PPP1R12A: variants seen among roughly 807,000 people sequenced by gnomAD.
The protein encoded by PPP1R12A is protein phosphatase 1 regulatory subunit 12A.
In PPP1R12A, 19 loss-of-function variants were observed where a neutral mutation model predicts 139.6. The observed-to-expected ratio is 0.14, with a 90% confidence interval of 0.09 to 0.20. The LOEUF is 0.20. Ranked by LOEUF, PPP1R12A falls within the 10% of genes least tolerant of loss-of-function variation. The pLI is 1.00. For missense variants in PPP1R12A, 925 were observed against 1,211.5 expected, an observed-to-expected ratio of 0.76 and a Z score of 3.51; for synonymous variants, 427 against 420.6, an observed-to-expected ratio of 1.02 and a Z score of -0.19.
At position 79,806,983 on chromosome 12, in the gene PPP1R12A, A is replaced by G. The variant is rs141887275; in HGVS notation, c.1655+243T>C. On this transcript the variant is annotated intron_variant, in intron 12 of 24. Transcript: ENST00000450142. ...GTTCCTTCTAAAGGAGTTCCTTTTAAATATGTAACAATCCAAAAAACATTT... is the reference window on the plus strand; with the variant it reads ...GTTCCTTCTAAAGGAGTTCCTTTTAGATATGTAACAATCCAAAAAACATTT... The G allele has an allele frequency of 4.4e-3, 1,239 of 283,580 alleles. 6 individuals carry two copies. Among genetic ancestry groups the G allele is most frequent in the Non-Finnish European group, 7.1e-3 (1,081 of 153,192 alleles). 17.6% of individuals were successfully genotyped at this position (283,580 alleles called of 1,614,324 possible). A position where few individuals can be genotyped will look rare whatever the true frequency, so the allele number is the denominator to read the frequency against.
intron 1 of PPP1R12A, among the ~76,000 whole-genome samples, chr12:79,910,009 A>G (rs917054050): frequency 2.6e-5 from 4 of 151,880 alleles, no homozygotes; most frequent in African/African-American, 9.7e-5. Flanking sequence ...CTGTCATATT[A>G]TTTTTATAAT....
At chr12:79,886,256 C>T (rs1028868087) in intron 1 of PPP1R12A, among the ~76,000 whole-genome samples, 2 of 152,048 alleles carry the variant, frequency 1.3e-5, no homozygotes, top group African/African-American at 2.4e-5. Context: ...AAGCAGTACT[C>T]CTATACTAAA....
intron 1 of PPP1R12A, among the ~76,000 whole-genome samples, chr12:79,885,941 T>C (rs1269576589): frequency 6.6e-6 from 1 of 152,138 alleles, no homozygotes; most frequent in East Asian, 1.9e-4. Flanking sequence ...AGCAATCCTC[T>C]TGCTTTGGCC....
chr12:79,777,536 C>T (rs1869884627), intron 24 of PPP1R12A: 1 of 985,176 alleles, frequency 1.0e-6, no homozygotes, highest in African/African-American at 1.7e-5. Context: ...TCACAGACTG[C>T]AGTTGCCTAT....
intron 1 of PPP1R12A, among the ~76,000 whole-genome samples, chr12:79,928,845 T>C (rs1217185015): frequency 2.0e-5 from 3 of 152,236 alleles, no homozygotes. Context: ...ATGCTTAAAA[T>C]GGCTCCCTTA....
At chr12:79,854,983 T>TATC (rs1033327491) in intron 2 of PPP1R12A, among the ~76,000 whole-genome samples, 1 of 151,270 alleles carries the variant, frequency 6.6e-6, no homozygotes, top group Non-Finnish European at 1.5e-5. Flanking sequence ...AAGTAACAAT[T>TATC]ATTATTATTA....
intron 1 of PPP1R12A, among the ~76,000 whole-genome samples, chr12:79,890,901 C>CACA (rs1565800207): frequency 1.7e-3 from 53 of 30,964 alleles, no homozygotes; most frequent in Admixed American, 3.7e-3. Context: ...CCACCCACAC[C>CACA]CACCCACACA....
chr12:79,895,853 A>G (rs1885080475), intron 1 of PPP1R12A, among the ~76,000 whole-genome samples: 1 of 152,226 alleles, frequency 6.6e-6, no homozygotes, highest in African/African-American at 2.4e-5. Context: ...ATATGATTTT[A>G]ACAGACTCAA....
At chr12:79,880,338 C>A (rs1399334426) in intron 1 of PPP1R12A, among the ~76,000 whole-genome samples, 1 of 152,068 alleles carries the variant, frequency 6.6e-6, no homozygotes, top group Non-Finnish European at 1.5e-5. Flanking sequence ...AATCAACTGG[C>A]AAGAACCTCA....
chr12:79,862,448 A>G lies in PPP1R12A; in HGVS notation c.368+10360T>C, dbSNP rs1485611713. On this transcript the variant is annotated intron_variant, in intron 2 of 24. Transcript: ENST00000450142. ...ACAACTCCTCACCAGCAAGGGAACA[A>G]AACTGGGCAGAGAATGAGTTCGACA... is the stretch of plus-strand genomic sequence containing the variant. Among the ~76,000 whole-genome samples, 9 of 152,136 alleles carry G rather than the reference A, an allele frequency of 5.9e-5. No individual in the cohort carries two copies. In the East Asian group the frequency reaches 1.7e-3, roughly 29 times the overall value.
intron 2 of PPP1R12A, among the ~76,000 whole-genome samples, chr12:79,855,551 T>C (rs1318131751): frequency 6.6e-6 from 1 of 152,138 alleles, no homozygotes; most frequent in Admixed American, 6.5e-5. Flanking sequence ...AATCACCAAA[T>C]TGCTTTCCAC....
At chr12:79,782,529 T>C (rs900402152) in intron 22 of PPP1R12A, 4 of 452,544 alleles carry the variant, frequency 8.8e-6, no homozygotes, top group African/African-American at 8.0e-5. Flanking sequence ...ATATATAAGC[T>C]TGGCTTTAAG....
chr12:79,926,743 AG>A (rs1294149357), intron 1 of PPP1R12A, among the ~76,000 whole-genome samples: 1 of 23,878 alleles, frequency 4.2e-5, no homozygotes, highest in South Asian at 6.0e-4. Flanking sequence ...GGAGATTTAA[AG>A]AAAAAAAGAA....
intron 3 of PPP1R12A, among the ~76,000 whole-genome samples, chr12:79,844,054 T>A (rs1206786557): frequency 6.6e-6 from 1 of 152,116 alleles, no homozygotes; most frequent in Admixed American, 6.6e-5. Context: ...ACAGCTTTAT[T>A]AAGATCTAAT....
chr12:79,853,718 T>A (rs1198608197), intron 2 of PPP1R12A, among the ~76,000 whole-genome samples: 1 of 152,236 alleles, frequency 6.6e-6, no homozygotes, highest in African/African-American at 2.4e-5. Context: ...TATTAACTCT[T>A]GAAAACCATG....
In PPP1R12A at chr12:79,903,174, G is replaced by A. The variant is rs114632038; in HGVS notation, c.238-30236C>T. Among the ~76,000 whole-genome samples the A allele has an allele frequency of 8.8e-3, 1,344 of 152,136 alleles. 22 individuals carry two copies. Among genetic ancestry groups the A allele is most frequent in the African/African-American group, 0.031 (1,281 of 41,484 alleles). ...AATTATTAAAAACATCATATAGGCC[G>A]GGCGTGGTGGCTCATGTCTGTAAAT... On this transcript the variant is annotated intron_variant, in intron 1 of 24. Coordinates refer to ENST00000450142, the MANE Select transcript of PPP1R12A (RefSeq NM_002480.3).
At chr12:79,815,542 T>C (rs1023834114) in intron 9 of PPP1R12A, among the ~76,000 whole-genome samples, 1 of 150,406 alleles carries the variant, frequency 6.6e-6, no homozygotes, top group Admixed American at 6.6e-5. Context: ...AAAAAAAAGA[T>C]AGCCAGTTTC....
chr12:79,812,064 C>G (rs1161968943), intron 9 of PPP1R12A, among the ~76,000 whole-genome samples: 2 of 152,084 alleles, frequency 1.3e-5, no homozygotes, highest in African/African-American at 4.8e-5. Context: ...CTTATAATTA[C>G]CCAATGAAAT....
At chr12:79,917,007 A>C (rs577411008) in intron 1 of PPP1R12A, among the ~76,000 whole-genome samples, 1 of 152,112 alleles carries the variant, frequency 6.6e-6, no homozygotes. Context: ...GTACTTTACC[A>C]GATTTTTTCC....
Sources: allele counts gnomAD v4.1 joint callset (sites outside exome capture counted in the v4.1 genomes callset), GRCh38; gene constraint gnomAD v4.1.1; transcripts MANE v1.5; gene names NCBI Gene and HGNC (gene_info 2026-07-23, HGNC 2026-07-21).